The following GPAM variants were observed in gnomAD, a reference collection of about 807,000 sequenced individuals.
The protein encoded by GPAM is glycerol-3-phosphate acyltransferase, mitochondrial.
A neutral mutation model predicts 105.0 loss-of-function variants in GPAM; 56 were observed. The observed-to-expected ratio is 0.53, with a 90% confidence interval of 0.43 to 0.67. GPAM has a LOEUF of 0.67. GPAM is among the 30% of genes least tolerant of loss of function. GPAM has a pLI of 0.00. For missense variants in GPAM, 855 were observed against 989.8 expected (o/e 0.86, Z 1.83); for synonymous variants, 368 against 354.4 (o/e 1.04, Z -0.43).
intron 1 of GPAM, among the ~76,000 whole-genome samples, chr10:112,197,653 A>C (rs1847740974): frequency 2.3e-5 from 2 of 88,030 alleles, no homozygotes; most frequent in African/African-American, 4.5e-5. Flanking sequence ...CCACCCCACA[A>C]CAGTCCCCAG....
chr10:112,163,735 C>A lies in GPAM; in HGVS notation c.1389G>T (p.Arg463Ser), dbSNP rs112254757. ...TATGCTCAGCCAGATTTGCAATCAA[C>A]CTCCTTCGTAGGGATTCATCTGTTG... is the stretch of plus-strand genomic sequence containing the variant. ...RNATDESLRR[R>S]LIANLAEHIL... The change falls in exon 14 of 22, where the codon AGG (arginine) becomes AGT (serine). Residue 463 changes from arginine (R) to serine (S), a missense_variant. Transcript: ENST00000348367. 6.3e-7 allele frequency: 1 copy of A among 1,589,666 alleles called. No individual in the cohort carries two copies. Among genetic ancestry groups the A allele is most frequent in the Non-Finnish European group, 8.6e-7 (1 of 1,157,730 alleles).
chr10:112,207,276 A>C (rs540054844), intron 1 of GPAM, among the ~76,000 whole-genome samples: 2 of 152,226 alleles, frequency 1.3e-5, no homozygotes, highest in African/African-American at 4.8e-5. Context: ...TAGCACCTAT[A>C]GGGCCAAGGT....
intron 1 of GPAM, among the ~76,000 whole-genome samples, chr10:112,192,027 A>T (rs146763509): frequency 6.6e-6 from 1 of 152,164 alleles, no homozygotes; most frequent in Admixed American, 6.5e-5. Flanking sequence ...GCAAGGTGCA[A>T]TGAGGAAGGG....
chr10:112,157,459 G>A lies in GPAM; in HGVS notation c.1981-70C>T, dbSNP rs895301471. 8 of 1,402,882 alleles carry A rather than the reference G, an allele frequency of 5.7e-6. 1 individual carries two copies. The highest frequency in any genetic ancestry group is 7.0e-6 in the Non-Finnish European group (7 of 998,578). 86.9% of individuals were successfully genotyped at this position (1,402,882 alleles called of 1,614,324 possible). A position where few individuals can be genotyped will look rare whatever the true frequency, so the allele number is the denominator to read the frequency against. ...CACAAACAACTGCCCAGTGGAGCCA[G>A]GACAAGGCAGTCCTCTTCTCTGACC... On this transcript the variant is annotated intron_variant, in intron 18 of 21. Transcript: ENST00000348367.
chr10:112,209,385 G>T (rs1296251789), intron 1 of GPAM, among the ~76,000 whole-genome samples: 1 of 151,840 alleles, frequency 6.6e-6, no homozygotes, highest in African/African-American at 2.4e-5. Flanking sequence ...AGTGGAAGGG[G>T]CCCCACCCCT....
chr10:112,196,864 T>G (rs1847729921), intron 1 of GPAM, among the ~76,000 whole-genome samples: 1 of 152,236 alleles, frequency 6.6e-6, no homozygotes, highest in Non-Finnish European at 1.5e-5. Context: ...TGATTCTGCT[T>G]ACAAGGTAAC....
intron 21 of GPAM, 44 bp downstream of exon 21, chr10:112,154,585 C>T: frequency 7.5e-7 from 1 of 1,339,196 alleles, no homozygotes; most frequent in Non-Finnish European, 1.1e-6. Context: ...CTAAAGAGAA[C>T]AGAAGTTGAG....
intron 13 of GPAM, 92 bp from the exon 14 acceptor site, chr10:112,163,908 A>G (rs1847169607): frequency 2.8e-6 from 2 of 712,324 alleles, no homozygotes; most frequent in African/African-American, 1.8e-5. Context: ...GATACTTTAA[A>G]TTACTATATA....
intron 1 of GPAM, among the ~76,000 whole-genome samples, chr10:112,209,681 C>T (rs1480885241): frequency 1.3e-5 from 2 of 152,178 alleles, no homozygotes; most frequent in Non-Finnish European, 2.9e-5. Flanking sequence ...TTTTCCCAGG[C>T]CCCTGTTCCT....
chr10:112,160,659 T>C lies in GPAM; in HGVS notation c.1704A>G (p.Glu568=). ...GTACCCCATTGCTGTAGAAGTTGAG[T>C]TCGAAGACTGATGGGACAGTTGTGC... ...TPSTTVPSVF[E]LNFYSNGVLH... is the part of the protein sequence containing the mutation. The change falls in exon 16 of 22, where the codon GAA becomes GAG. Residue 568 remains glutamate (E), a synonymous_variant. Coordinates refer to ENST00000348367, the MANE Select transcript of GPAM (RefSeq NM_001244949.2). The C allele has an allele frequency of 6.2e-7, 1 of 1,613,606 alleles. No homozygotes were observed. Among genetic ancestry groups the C allele is most frequent in the South Asian group, 1.1e-5 (1 of 91,070 alleles).
chr10:112,218,954 T>C (rs149293568), upstream of GPAM, among the ~76,000 whole-genome samples: 810 of 152,350 alleles, frequency 5.3e-3, 7 homozygotes, highest in African/African-American at 0.019. Context: ...GCGTCTTTAC[T>C]GCATCCTGTT....
chr10:112,224,288 A>G, the GPAM span, among the ~76,000 whole-genome samples: 1,017 of 152,334 alleles, frequency 6.7e-3, 6 homozygotes, highest in Middle Eastern at 0.017. Flanking sequence ...TATTTCATAC[A>G]CAATGATCAT....
Position 112,150,390 on chromosome 10 carries a change from G to A in GPAM, c.*3160C>T, listed in dbSNP as rs942718172. 1 of 985,646 alleles carries A rather than the reference G, an allele frequency of 1.0e-6. No individual in the cohort carries two copies. The highest frequency in any genetic ancestry group is 1.2e-6 in the Non-Finnish European group (1 of 829,738). The allele number at this position is 985,646 out of a possible 1,614,324, so 61.1% of individuals were successfully genotyped here. A position where few individuals can be genotyped will look rare whatever the true frequency, so the allele number is the denominator to read the frequency against. ...TGAAAAAGCCAGGATCATTGGGGCT[G>A]TTCTCTCTATCAAAGGAAAGAGCTC... On this transcript the variant is annotated 3_prime_UTR_variant, in exon 22 of 22. Coordinates refer to ENST00000348367, the MANE Select transcript of GPAM (RefSeq NM_001244949.2).
chr10:112,190,355 A>C (rs1847641731), intron 1 of GPAM, among the ~76,000 whole-genome samples: 1 of 152,066 alleles, frequency 6.6e-6, no homozygotes, highest in Non-Finnish European at 1.5e-5. Flanking sequence ...AATACAAAAA[A>C]TTAGCTGGGC....
Position 112,152,744 on chromosome 10 carries a change from G to A in GPAM, c.*806C>T. ...GAGGTACAGACATAAAACAGGAAGG[G>A]TTCTAAATATATTTGCTGGTCATTT... is the stretch of plus-strand genomic sequence containing the variant. On this transcript the variant is annotated 3_prime_UTR_variant, in exon 22 of 22. Coordinates refer to ENST00000348367, the MANE Select transcript of GPAM (RefSeq NM_001244949.2). 2.1e-6 allele frequency: 2 copies of A among 948,986 alleles called. No individual in the cohort carries two copies. The highest frequency in any genetic ancestry group is 2.5e-6 in the Non-Finnish European group (2 of 796,662). The allele number at this position is 948,986 out of a possible 1,614,324, so 58.8% of individuals were successfully genotyped here.
the GPAM span, among the ~76,000 whole-genome samples, chr10:112,223,179 G>A: frequency 6.6e-6 from 1 of 152,170 alleles, no homozygotes; most frequent in Non-Finnish European, 1.5e-5. Context: ...ACTCAGACCT[G>A]TAGCATGGTC....
At chr10:112,189,642 A>G (rs907654913) in intron 1 of GPAM, among the ~76,000 whole-genome samples, 1 of 152,216 alleles carries the variant, frequency 6.6e-6, no homozygotes, top group Non-Finnish European at 1.5e-5. Flanking sequence ...CTATCCTTCT[A>G]GCCAAGATGG....
rs144379957 is a variant in GPAM, at chr10:112,198,297, A to G, written n.211-15406T>C. ...ACAGATCATAGCTGGTAAAAGGTGTATTTCAGAATCACAGCGTTCTCCAGA... is the reference window on the plus strand; with the variant it reads ...ACAGATCATAGCTGGTAAAAGGTGTGTTTCAGAATCACAGCGTTCTCCAGA... On this transcript the variant is annotated intron_variant and non_coding_transcript_variant, in intron 1 of 3. Transcript: ENST00000480130. Among the ~76,000 whole-genome samples the G allele has an allele frequency of 1.8e-4, 27 of 152,340 alleles. No homozygotes were observed. In the East Asian group the frequency reaches 4.8e-3, roughly 27 times the overall value.
chr10:112,200,077 TTTTAACAA>T, intron 1 of GPAM, among the ~76,000 whole-genome samples: 1 of 151,414 alleles, frequency 6.6e-6, no homozygotes, highest in South Asian at 2.1e-4. Flanking sequence ...GATCTTGTTC[TTTTAACAA>T]TGTTAAAGCA....
Sources: allele counts gnomAD v4.1 joint callset (sites outside exome capture counted in the v4.1 genomes callset), GRCh38; gene constraint gnomAD v4.1.1; transcripts MANE v1.5; gene names NCBI Gene and HGNC (gene_info 2026-07-23, HGNC 2026-07-21).